CNKSR2: variants seen among roughly 807,000 people sequenced by gnomAD.
The protein encoded by CNKSR2 is connector enhancer of kinase suppressor of Ras 2, also known as CNK homolog protein 2.
A neutral mutation model predicts 84.4 loss-of-function variants in CNKSR2; 14 were observed. The ratio of observed to expected loss-of-function variants is 0.17; its 90% confidence interval spans 0.11 to 0.26. The LOEUF (loss-of-function observed/expected upper bound fraction) is 0.26. Among genes scored for constraint, CNKSR2 ranks in the 10% least tolerant of loss-of-function variants. CNKSR2 has a pLI of 1.00. For synonymous variants in CNKSR2, 275 were observed against 277.9 expected, an observed-to-expected ratio of 0.99 and a Z score of 0.10; for missense variants, 485 against 771.2, an observed-to-expected ratio of 0.63 and a Z score of 4.40.
chrX:21,642,609 A>T, intron 20 of CNKSR2: 2 of 747,777 alleles, frequency 2.7e-6, no homozygotes, highest in Non-Finnish European at 3.2e-6. Flanking sequence ...CAATGAACAG[A>T]TAATTTAACA....
intron 4 of CNKSR2, among the ~76,000 whole-genome samples, chrX:21,458,122 G>A (rs949929802): frequency 9.8e-5 from 11 of 111,882 alleles, no homozygotes; most frequent in Non-Finnish European, 2.1e-4. Flanking sequence ...TAACTGTTGG[G>A]TGGACTGTAG....
At chrX:21,550,308 TG>T (rs2092074361) in intron 11 of CNKSR2, among the ~76,000 whole-genome samples, 1 of 111,907 alleles carries the variant, frequency 8.9e-6, no homozygotes, top group South Asian at 3.7e-4. Context: ...GACAAACATA[TG>T]AAAAAAAAGC....
chrX:21,406,294 G>A (rs1018686189), intron 1 of CNKSR2, among the ~76,000 whole-genome samples: 5 of 111,286 alleles, frequency 4.5e-5, no homozygotes, highest in African/African-American at 1.6e-4. Context: ...ATTGCCCACA[G>A]AAAAAGTATC....
chrX:21,635,254 T>A (rs1323836611), intron 20 of CNKSR2, among the ~76,000 whole-genome samples: 1 of 109,121 alleles, frequency 9.2e-6, no homozygotes, highest in Non-Finnish European at 1.9e-5. Flanking sequence ...TTCTGCTTAC[T>A]CTTTCTGAGC....
In CNKSR2 at chrX:21,474,470, G is replaced by T. The variant is rs190982598; in HGVS notation, c.561+3663G>T. Among the ~76,000 whole-genome samples the T allele has an allele frequency of 6.2e-5, 7 of 112,052 alleles. No homozygotes were observed. The East Asian group carries it at 2.0e-3, about 31-fold the overall frequency. On this transcript the variant is annotated intron_variant, in intron 5 of 21. Transcript: ENST00000379510. ...AATTTGCCTTGGAATTGTCCAACCT[G>T]CCTGACAAAAACTGAAGAGGGAGAA... is the stretch of plus-strand genomic sequence containing the variant.
chrX:21,417,938 G>T (rs187473685), intron 1 of CNKSR2, among the ~76,000 whole-genome samples: 107 of 111,151 alleles, frequency 9.6e-4, no homozygotes, highest in African/African-American at 3.2e-3. Flanking sequence ...ACTTCCTCCT[G>T]CCATTTTGTT....
chrX:21,622,073 A>G (rs2092604199), intron 20 of CNKSR2, among the ~76,000 whole-genome samples: 1 of 110,696 alleles, frequency 9.0e-6, no homozygotes, highest in Admixed American at 9.6e-5. Context: ...AAGGAACCAC[A>G]GAGTGGTTCT....
chrX:21,518,489 T>C (rs1266369456), intron 9 of CNKSR2, among the ~76,000 whole-genome samples: 1 of 112,022 alleles, frequency 8.9e-6, no homozygotes, highest in Non-Finnish European at 1.9e-5. Flanking sequence ...TCCCCTGTTA[T>C]ATTCTTTTCC....
intron 4 of CNKSR2, among the ~76,000 whole-genome samples, chrX:21,452,414 C>T (rs1205214767): frequency 9.0e-6 from 1 of 111,636 alleles, no homozygotes; most frequent in Non-Finnish European, 1.9e-5. Context: ...ATTTTCTAAT[C>T]GTTGATAACC....
intron 20 of CNKSR2, among the ~76,000 whole-genome samples, chrX:21,610,392 A>G (rs1367322174): frequency 1.8e-5 from 2 of 112,447 alleles, no homozygotes; most frequent in Non-Finnish European, 3.8e-5. Context: ...AACATGACAC[A>G]TCAGTCCAGA....
At chrX:21,620,208 C>T (rs2092595822) in intron 20 of CNKSR2, among the ~76,000 whole-genome samples, 1 of 110,516 alleles carries the variant, frequency 9.0e-6, no homozygotes, top group Non-Finnish European at 1.9e-5. Context: ...AATTTTTAAG[C>T]ATCTTTTTTT....
chrX:21,436,472 A>G, intron 3 of CNKSR2, among the ~76,000 whole-genome samples: 1 of 111,761 alleles, frequency 8.9e-6, no homozygotes, highest in Non-Finnish European at 1.9e-5. Context: ...TATTATCTAT[A>G]TGATGATTTA....
rs148605452 is a variant in CNKSR2, at chrX:21,520,923, A to G, written c.957+4292A>G. Among the ~76,000 whole-genome samples the G allele has an allele frequency of 7.2e-3, 794 of 110,261 alleles. 2 individuals carry two copies. Among genetic ancestry groups the G allele is most frequent in the African/African-American group, 0.025 (753 of 30,610 alleles). The stretch of plus-strand genomic sequence containing the variant: ...TTTTTCCATTTAAATTTTATTGTTT[A>G]ACATTACCTTGATGCCATTTTTAGA... On this transcript the variant is annotated intron_variant, in intron 9 of 21. Coordinates refer to ENST00000379510, the MANE Select transcript of CNKSR2 (RefSeq NM_014927.5).
intron 8 of CNKSR2, chrX:21,504,233 A>G (rs1252296732): frequency 1.8e-5 from 2 of 111,467 alleles, no homozygotes; most frequent in African/African-American, 3.3e-5. Flanking sequence ...TGAAGCAAGT[A>G]TAAATTATTT....
intron 1 of CNKSR2, among the ~76,000 whole-genome samples, chrX:21,417,252 G>C (rs1042846583): frequency 1.1e-4 from 12 of 111,720 alleles, no homozygotes; most frequent in African/African-American, 3.6e-4. Context: ...TCAATTTCTA[G>C]TTTTATTCTT....
chrX:21,516,289 A>G (rs1338394569), intron 8 of CNKSR2, among the ~76,000 whole-genome samples, 196 bp from the exon 9 acceptor site: 3 of 111,493 alleles, frequency 2.7e-5, no homozygotes, highest in African/African-American at 9.8e-5. Flanking sequence ...GTTGTCTGGT[A>G]ATGATATGGA....
chrX:21,626,616 G>A (rs912752916), intron 20 of CNKSR2, among the ~76,000 whole-genome samples: 3 of 112,127 alleles, frequency 2.7e-5, no homozygotes, highest in African/African-American at 9.7e-5. Context: ...TAGAAAGTAG[G>A]TCTTGAAGAG....
chrX:21,561,598 T>C (rs1601949971), intron 12 of CNKSR2, 38 bp downstream of exon 12: 1 of 995,896 alleles, frequency 1.0e-6, no homozygotes, highest in African/African-American at 1.9e-5. Context: ...CTGGGTTGTT[T>C]GAACAATAAG....
At chrX:21,394,953 A>G (rs1166388280) in intron 1 of CNKSR2, among the ~76,000 whole-genome samples, 1 of 111,646 alleles carries the variant, frequency 9.0e-6, no homozygotes, top group Non-Finnish European at 1.9e-5. Flanking sequence ...CACTGAAAAC[A>G]AGAGAGAATC....
Sources: gnomAD v4.1 joint callset for allele counts (sites outside exome capture counted in the v4.1 genomes callset) on GRCh38, gnomAD v4.1.1 for gene constraint, MANE v1.5 for transcripts, NCBI Gene and HGNC (gene_info 2026-07-23, HGNC 2026-07-21) for gene names.